LRRC4C: variants seen among roughly 807,000 people sequenced by gnomAD.
LRRC4C encodes the protein leucine-rich repeat-containing protein 4C.
Under a neutral mutation model 33.6 loss-of-function variants are expected in LRRC4C, and 5 were observed. The ratio of observed to expected loss-of-function variants is 0.15; its 90% CI spans 0.08 to 0.31. The LOEUF is 0.31. LRRC4C is among the 10% of genes least tolerant of loss of function. LRRC4C has a pLI of 1.00. For synonymous variants in LRRC4C, 329 were observed against 302.0 expected (o/e 1.09, Z -0.93); for missense variants, 560 against 796.7 (o/e 0.70, Z 3.58).
chr11:40,736,624 C>T lies in LRRC4C; in HGVS notation c.-406-88346G>A, dbSNP rs536989129. ...ACAATGGTTGAATTAATTTACACTC[C>T]CACAAACAGTGTAAAAGCGTTCCTA... On this transcript the variant is annotated intron_variant, in intron 2 of 6. Coordinates refer to ENST00000528697, the MANE Select transcript of LRRC4C (RefSeq NM_001258419.2). Among the ~76,000 whole-genome samples, 14 of 152,220 alleles carry T rather than the reference C, an allele frequency of 9.2e-5. No individual in the cohort carries two copies. The South Asian group carries it at 2.9e-3, about 32-fold the overall frequency.
chr11:40,871,596 C>G (rs7946483), intron 2 of LRRC4C, among the ~76,000 whole-genome samples: 144,311 of 152,126 alleles, frequency 0.95, 68,900 homozygotes, highest in East Asian at 1. Flanking sequence ...ATTTTGTATC[C>G]GTTTATGCAC....
At chr11:40,697,589 A>G (rs902226117) in intron 2 of LRRC4C, among the ~76,000 whole-genome samples, 6 of 152,198 alleles carry the variant, frequency 3.9e-5, no homozygotes, top group East Asian at 1.9e-4. Context: ...TCCTAAATCT[A>G]TTTTACAACC....
At chr11:40,151,466 G>A (rs1014568113) in intron 5 of LRRC4C, among the ~76,000 whole-genome samples, 2 of 152,094 alleles carry the variant, frequency 1.3e-5, no homozygotes, top group Non-Finnish European at 2.9e-5. Context: ...AAAAAAATTT[G>A]TATCATCAAA....
chr11:40,666,520 G>T (rs1357597314), intron 2 of LRRC4C, among the ~76,000 whole-genome samples: 1 of 152,024 alleles, frequency 6.6e-6, no homozygotes, highest in Non-Finnish European at 1.5e-5. Context: ...TGATTGGTGG[G>T]TACACATGTG....
chr11:41,393,172 T>C (rs1001298854), intron 1 of LRRC4C, among the ~76,000 whole-genome samples: 1 of 151,872 alleles, frequency 6.6e-6, no homozygotes, highest in Admixed American at 6.6e-5. Context: ...TTTTCAGATA[T>C]AATTTTCTAT....
chr11:41,403,451 C>G (rs1176795469), intron 1 of LRRC4C, among the ~76,000 whole-genome samples: 1 of 152,030 alleles, frequency 6.6e-6, no homozygotes, highest in East Asian at 1.9e-4. Flanking sequence ...TATAGCCACA[C>G]AAAATTCACA....
intron 2 of LRRC4C, among the ~76,000 whole-genome samples, chr11:40,911,745 T>C (rs1956704366): frequency 6.6e-6 from 1 of 152,076 alleles, no homozygotes; most frequent in Admixed American, 6.6e-5. Context: ...ATCAAACTAC[T>C]CTGAGCTAAA....
At chr11:40,977,224 C>T (rs1038567667) in intron 1 of LRRC4C, among the ~76,000 whole-genome samples, 12 of 151,928 alleles carry the variant, frequency 7.9e-5, no homozygotes, top group African/African-American at 2.9e-4. Flanking sequence ...GTTTTGCTCA[C>T]TGGCCCACCA....
chr11:41,209,337 C>T (rs1301753269), intron 1 of LRRC4C, among the ~76,000 whole-genome samples: 2 of 151,500 alleles, frequency 1.3e-5, no homozygotes, highest in Non-Finnish European at 2.9e-5. Context: ...TTTCTTCTTT[C>T]TGATTTCTCC....
intron 3 of LRRC4C, among the ~76,000 whole-genome samples, chr11:40,617,630 A>C (rs2861933): frequency 0.96 from 144,839 of 151,650 alleles, 69,499 homozygotes; most frequent in Middle Eastern, 1. Flanking sequence ...CATCAGATTT[A>C]CAATACTATG....
At chr11:40,979,537 A>T (rs573423681) in intron 1 of LRRC4C, among the ~76,000 whole-genome samples, 3 of 152,054 alleles carry the variant, frequency 2.0e-5, no homozygotes, top group Non-Finnish European at 4.4e-5. Context: ...TGGATAATTA[A>T]TCACATCTAT....
intron 5 of LRRC4C, among the ~76,000 whole-genome samples, chr11:40,171,470 G>A (rs1371300834): frequency 6.6e-6 from 1 of 152,032 alleles, no homozygotes; most frequent in Non-Finnish European, 1.5e-5. Flanking sequence ...ATTAAATGAG[G>A]CAATGTATTA....
Position 40,435,420 on chromosome 11 carries a change from T to A in LRRC4C, c.-269-115699A>T, listed in dbSNP as rs182947666. On this transcript the variant is annotated intron_variant, in intron 3 of 6. Coordinates refer to ENST00000528697, the MANE Select transcript of LRRC4C (RefSeq NM_001258419.2). ...TGCTATTGATGGTTCTTAAGAGAGC[T>A]CTGAAGAAAAGATGGGGAGGAGTGA... Among the ~76,000 whole-genome samples, 66 of 152,340 alleles carry A rather than the reference T, an allele frequency of 4.3e-4. No homozygotes were observed. In the East Asian group the frequency reaches 0.012, roughly 28 times the overall value.
At chr11:40,959,881 T>A (rs149639689) in intron 1 of LRRC4C, among the ~76,000 whole-genome samples, 1 of 151,716 alleles carries the variant, frequency 6.6e-6, no homozygotes, top group Non-Finnish European at 1.5e-5. Context: ...ATTATCAACA[T>A]TTGAGGCTAC....
rs190836453 is a variant in LRRC4C at position 40,743,414 on chromosome 11, G to A, written c.-406-95136C>T. ...GTTCTCAAGGTCAGAGGTCTAAAAT[G>A]GATCTCATTGGGCTAAAATTAAGAT... is the stretch of plus-strand genomic sequence containing the variant. On this transcript the variant is annotated intron_variant, in intron 2 of 6. Transcript: ENST00000528697. 1.4e-3 allele frequency among the ~76,000 whole-genome samples: 208 copies of A among 152,148 alleles called. 2 individuals are homozygous for A. The highest frequency in any genetic ancestry group is 4.9e-3 in the African/African-American group (203 of 41,556).
At chr11:40,216,651 T>C (rs1267673096) in intron 5 of LRRC4C, among the ~76,000 whole-genome samples, 1 of 151,992 alleles carries the variant, frequency 6.6e-6, no homozygotes, top group Non-Finnish European at 1.5e-5. Context: ...ATCCAGGAGA[T>C]TCCCAGAAAC....
intron 3 of LRRC4C, among the ~76,000 whole-genome samples, chr11:40,620,068 A>T (rs1462537650): frequency 6.6e-6 from 1 of 151,052 alleles, no homozygotes; most frequent in Non-Finnish European, 1.5e-5. Flanking sequence ...GAAAAAAAAA[A>T]AAAAAAAGAA....
chr11:41,275,382 C>T (rs991619716), intron 1 of LRRC4C, among the ~76,000 whole-genome samples: 2 of 152,086 alleles, frequency 1.3e-5, no homozygotes, highest in Admixed American at 6.6e-5. Flanking sequence ...CTAAATGGAA[C>T]TTTTTGCAAC....
chr11:40,338,149 T>C (rs1946711143), intron 3 of LRRC4C, among the ~76,000 whole-genome samples: 1 of 152,256 alleles, frequency 6.6e-6, no homozygotes, highest in African/African-American at 2.4e-5. Context: ...ACAACTCGAC[T>C]ATATTTTTCA....
Sources: allele counts gnomAD v4.1 joint callset (sites outside exome capture counted in the v4.1 genomes callset), GRCh38; gene constraint gnomAD v4.1.1; transcripts MANE v1.5; gene names NCBI Gene and HGNC (gene_info 2026-07-23, HGNC 2026-07-21).